The following DCC variants were observed in gnomAD, a reference collection of about 807,000 sequenced individuals.
DCC encodes DCC netrin 1 receptor, also known as netrin receptor DCC.
DCC carries 58 observed loss-of-function variants against 172.5 expected under a neutral mutation model. The observed-to-expected ratio is 0.34, with a 90% CI of 0.27 to 0.42. DCC has a LOEUF of 0.42. Ranked by LOEUF, DCC falls within the 10% of genes least tolerant of loss-of-function variation. The pLI is 1.00. For missense variants in DCC, 1,740 were observed against 1,791.0 expected (o/e 0.97, Z 0.51); for synonymous variants, 709 against 644.5 (o/e 1.10, Z -1.52).
chr18:52,934,447 G>C (rs1431821110), intron 5 of DCC, among the ~76,000 whole-genome samples: 1 of 152,206 alleles, frequency 6.6e-6, no homozygotes, highest in East Asian at 1.9e-4. Flanking sequence ...CAGAAGCCAT[G>C]TCTTCTACAT....
chr18:53,286,474 G>T (rs2056937119), intron 12 of DCC, among the ~76,000 whole-genome samples: 1 of 152,138 alleles, frequency 6.6e-6, no homozygotes, highest in Non-Finnish European at 1.5e-5. Flanking sequence ...TAGTGACTTG[G>T]AACTGTAAGT....
At chr18:53,212,781 C>T (rs905736829) in intron 11 of DCC, among the ~76,000 whole-genome samples, 3 of 152,004 alleles carry the variant, frequency 2.0e-5, no homozygotes, top group Non-Finnish European at 4.4e-5. Flanking sequence ...AGTGATTCTC[C>T]TGCCTCAACC....
At chr18:53,156,389 C>T (rs1320143925) in intron 7 of DCC, among the ~76,000 whole-genome samples, 1 of 151,290 alleles carries the variant, frequency 6.6e-6, no homozygotes, top group Non-Finnish European at 1.5e-5. Flanking sequence ...GAGCCTGAGG[C>T]AGGAGAATCA....
intron 1 of DCC, among the ~76,000 whole-genome samples, chr18:52,395,747 G>T (rs1986200900): frequency 6.6e-6 from 1 of 151,878 alleles, no homozygotes; most frequent in Non-Finnish European, 1.5e-5. Flanking sequence ...CCAGATTTGG[G>T]GCATCACATC....
intron 1 of DCC, among the ~76,000 whole-genome samples, chr18:52,533,679 T>C (rs1342017425): frequency 5.9e-5 from 9 of 152,154 alleles, no homozygotes; most frequent in Non-Finnish European, 1.0e-4. Context: ...TTGGCTATTG[T>C]GAATAAAGCT....
At chr18:53,261,483 C>G (rs540736897) in intron 12 of DCC, among the ~76,000 whole-genome samples, 1 of 152,260 alleles carries the variant, frequency 6.6e-6, no homozygotes, top group African/African-American at 2.4e-5. Context: ...TTCCTCTCCT[C>G]TGTCAGTCAG....
chr18:52,784,509 G>A (rs1341009470), intron 2 of DCC, among the ~76,000 whole-genome samples: 2 of 151,944 alleles, frequency 1.3e-5, no homozygotes, highest in Admixed American at 6.6e-5. Context: ...CATAATGTCT[G>A]TACTGATTTG....
chr18:52,884,385 ATTCCTTTT>A (rs1307287202), intron 2 of DCC, among the ~76,000 whole-genome samples: 1 of 150,354 alleles, frequency 6.7e-6, no homozygotes, highest in Admixed American at 6.6e-5. Context: ...ATTGTTTTTT[ATTCCTTTT>A]TTTTTTATTT....
intron 9 of DCC, among the ~76,000 whole-genome samples, chr18:53,201,548 G>T (rs1326589927): frequency 6.6e-6 from 1 of 152,100 alleles, no homozygotes; most frequent in African/African-American, 2.4e-5. Context: ...CGTTGTCTTT[G>T]TGAATATATC....
intron 1 of DCC, among the ~76,000 whole-genome samples, chr18:52,713,269 G>A (rs1006898200): frequency 6.6e-6 from 1 of 152,162 alleles, no homozygotes; most frequent in Non-Finnish European, 1.5e-5. Context: ...TGCTTACATG[G>A]ACTCACAATG....
chr18:52,656,585 A>C (rs1273166240), intron 1 of DCC, among the ~76,000 whole-genome samples: 1 of 152,186 alleles, frequency 6.6e-6, no homozygotes, highest in Non-Finnish European at 1.5e-5. Flanking sequence ...ATGTGAAGAA[A>C]AAGAGAAGTG....
At chr18:52,636,098 T>C (rs2034775343) in intron 1 of DCC, among the ~76,000 whole-genome samples, 1 of 152,088 alleles carries the variant, frequency 6.6e-6, no homozygotes, top group African/African-American at 2.4e-5. Flanking sequence ...TGAAGTTCTG[T>C]TTGCCTGAGA....
At chr18:53,166,073 T>C (rs1378051959) in intron 8 of DCC, among the ~76,000 whole-genome samples, 1 of 151,972 alleles carries the variant, frequency 6.6e-6, no homozygotes, top group Non-Finnish European at 1.5e-5. Context: ...GGTATGTCAG[T>C]GGAGATGGAG....
chr18:52,395,053 T>A (rs1412909101), intron 1 of DCC, among the ~76,000 whole-genome samples: 1 of 151,924 alleles, frequency 6.6e-6, no homozygotes, highest in African/African-American at 2.4e-5. Context: ...CCCTGTAACA[T>A]CTATCAACTG....
intron 5 of DCC, among the ~76,000 whole-genome samples, chr18:52,973,591 C>T (rs1449434819): frequency 6.6e-6 from 1 of 152,120 alleles, no homozygotes; most frequent in Non-Finnish European, 1.5e-5. Flanking sequence ...TTCCTTTCTT[C>T]CCATATTTTG....
At chr18:52,879,330 G>T (rs114879882) in intron 2 of DCC, among the ~76,000 whole-genome samples, 296 of 149,016 alleles carry the variant, frequency 2.0e-3, no homozygotes, top group African/African-American at 6.7e-3. Flanking sequence ...GATCACACAA[G>T]TCAATCATGC....
intron 7 of DCC, among the ~76,000 whole-genome samples, chr18:53,089,925 C>T (rs1361943087): frequency 6.6e-6 from 1 of 152,108 alleles, no homozygotes; most frequent in Non-Finnish European, 1.5e-5. Flanking sequence ...ACTTGTGTTA[C>T]TGCCACAAAG....
chr18:52,396,622 C>T (rs1168337134), intron 1 of DCC, among the ~76,000 whole-genome samples: 1 of 152,032 alleles, frequency 6.6e-6, no homozygotes, highest in African/African-American at 2.4e-5. Context: ...ACAACTCTCA[C>T]TGGGATTAAC....
At chr18:53,145,621 T>C (rs964140716) in intron 7 of DCC, among the ~76,000 whole-genome samples, 7 of 152,266 alleles carry the variant, frequency 4.6e-5, no homozygotes, top group African/African-American at 1.4e-4. Context: ...GATTACCCAG[T>C]CAAGGATATT....
Sources: allele counts gnomAD v4.1 joint callset (sites outside exome capture counted in the v4.1 genomes callset), GRCh38; gene constraint gnomAD v4.1.1; transcripts MANE v1.5; gene names NCBI Gene and HGNC (gene_info 2026-07-23, HGNC 2026-07-21).